DENND1A: variants seen among roughly 807,000 people sequenced by gnomAD.
DENND1A encodes DENN domain containing 1A, also known as DENN domain-containing protein 1A.
In DENND1A, 51 loss-of-function variants were observed where a neutral mutation model predicts 113.7. The observed-to-expected ratio is 0.45, with a 90% CI of 0.36 to 0.57. DENND1A has a LOEUF of 0.57. Among genes scored for constraint, DENND1A ranks in the 20% least tolerant of loss-of-function variants. The pLI is 0.00. For synonymous variants in DENND1A, 565 were observed against 570.8 expected, an observed-to-expected ratio of 0.99 and a Z score of 0.14; for missense variants, 1,258 against 1,395.9, an observed-to-expected ratio of 0.90 and a Z score of 1.57.
intron 2 of DENND1A, chr9:123,843,330 T>C: frequency 2.6e-6 from 1 of 380,620 alleles, no homozygotes; most frequent in Middle Eastern, 9.7e-4. Context: ...GTAATTTTTG[T>C]TCTATATGGA....
intron 2 of DENND1A, among the ~76,000 whole-genome samples, chr9:123,818,888 C>T (rs191780291): frequency 1.6e-4 from 25 of 152,192 alleles, no homozygotes; most frequent in East Asian, 3.9e-4. Context: ...ACTGATTAAA[C>T]GAATTATGAT....
chr9:123,678,191 A>G (rs1223537767), intron 5 of DENND1A, among the ~76,000 whole-genome samples: 1 of 152,214 alleles, frequency 6.6e-6, no homozygotes, highest in Non-Finnish European at 1.5e-5. Context: ...ACATGCAAAC[A>G]GAGAGGAAGG....
intron 1 of DENND1A, among the ~76,000 whole-genome samples, chr9:123,921,104 AC>A (rs1856169794): frequency 6.6e-6 from 1 of 152,268 alleles, no homozygotes; most frequent in East Asian, 1.9e-4. Flanking sequence ...ACCAAAAAAA[AC>A]TGTAATACTA....
At chr9:123,742,483 T>C (rs1432325501) in intron 5 of DENND1A, among the ~76,000 whole-genome samples, 1 of 152,230 alleles carries the variant, frequency 6.6e-6, no homozygotes, top group African/African-American at 2.4e-5. Flanking sequence ...ATATTCCTGA[T>C]CCTTCCACAT....
intron 15 of DENND1A, 23 bp downstream of exon 15, chr9:123,457,325 A>C: frequency 6.3e-7 from 1 of 1,593,838 alleles, no homozygotes. Flanking sequence ...GCAGCCCCGG[A>C]AGGAAAATGA....
intron 13 of DENND1A, among the ~76,000 whole-genome samples, chr9:123,519,885 C>T (rs111346138): frequency 3.3e-5 from 5 of 152,094 alleles, no homozygotes; most frequent in African/African-American, 4.8e-5. Flanking sequence ...CCAGGCTGGG[C>T]GCGGTGGCTC....
At chr9:123,647,572 T>C (rs2062404928) in intron 9 of DENND1A, among the ~76,000 whole-genome samples, 1 of 152,242 alleles carries the variant, frequency 6.6e-6, no homozygotes, top group Admixed American at 6.5e-5. Context: ...GTGTTAATTA[T>C]TTCTTTTTAC....
In DENND1A at chr9:123,385,719, T is replaced by C. The variant is rs35052100; in HGVS notation, c.1761-1806A>G. Among the ~76,000 whole-genome samples, 918 of 152,268 alleles carry C rather than the reference T, an allele frequency of 6.0e-3. 3 individuals are homozygous for C. Among genetic ancestry groups the C allele is most frequent in the Non-Finnish European group, 9.5e-3 (649 of 68,010 alleles). On this transcript the variant is annotated intron_variant, in intron 22 of 23. Coordinates refer to ENST00000394215, the MANE Select transcript of DENND1A (RefSeq NM_001352964.2). ...AAGTCGGACTTACACCCCCACCTTA[T>C]GGATGAGGAATGAAGCTCAGAGATG...
rs79508972 is a variant in DENND1A, at chr9:123,499,454, C to A, written c.994-41557G>T. On this transcript the variant is annotated intron_variant, in intron 13 of 23. Transcript: ENST00000394215. ...TTAGCAAATGGCATATGGTACACGG[C>A]AGTATTGCTTACTTTTCCCCCAGCC... Among the ~76,000 whole-genome samples the A allele has an allele frequency of 4.0e-3, 606 of 152,340 alleles. 5 individuals carry two copies. The highest frequency in any genetic ancestry group is 0.014 in the African/African-American group (583 of 41,572).
chr9:123,409,839 C>A (rs902561468), intron 20 of DENND1A, among the ~76,000 whole-genome samples: 3 of 152,140 alleles, frequency 2.0e-5, no homozygotes, highest in Admixed American at 1.3e-4. Flanking sequence ...CGTCTGTAAT[C>A]CCAGCACTTT....
At chr9:123,534,712 T>C (rs1376932823) in intron 13 of DENND1A, among the ~76,000 whole-genome samples, 1 of 152,236 alleles carries the variant, frequency 6.6e-6, no homozygotes, top group East Asian at 1.9e-4. Context: ...TCTTGTTTCC[T>C]TGATTATCAG....
chr9:123,833,864 TC>T (rs1336339556), intron 2 of DENND1A, among the ~76,000 whole-genome samples: 6 of 152,072 alleles, frequency 3.9e-5, no homozygotes, highest in Non-Finnish European at 8.8e-5. Context: ...ATCGAGACCA[TC>T]CTGGCCAACA....
chr9:123,413,566 G>C (rs970022110), intron 19 of DENND1A: 2 of 985,518 alleles, frequency 2.0e-6, no homozygotes, highest in Non-Finnish European at 2.4e-6. Context: ...CATGGAACCT[G>C]TCGGGGCAGC....
chr9:123,455,643 C>CACACAA (rs1182351569), intron 15 of DENND1A, among the ~76,000 whole-genome samples: 2 of 152,210 alleles, frequency 1.3e-5, no homozygotes. Context: ...ACCCCCAGGG[C>CACACAA]TGTGTGTCCC....
chr9:123,475,663 T>C (rs984011041), intron 13 of DENND1A, among the ~76,000 whole-genome samples: 1 of 152,270 alleles, frequency 6.6e-6, no homozygotes, highest in African/African-American at 2.4e-5. Flanking sequence ...TTCCCGCTGC[T>C]GCACACTCGC....
chr9:123,383,644 C>T lies in DENND1A; in HGVS notation c.2019+11G>A. On this transcript the variant is annotated intron_variant, in intron 23 of 23. Transcript: ENST00000394215. ...GCCCCCGGCCGATACCCTCCCTTGC[C>T]CATGCCATACCTGATAGTCAAAGGT... The T allele has an allele frequency of 1.9e-6, 3 of 1,609,366 alleles. No individual in the cohort carries two copies. The highest frequency in any genetic ancestry group is 2.5e-6 in the Non-Finnish European group (3 of 1,176,784).
At chr9:123,607,458 T>A (rs1344444155) in intron 11 of DENND1A, among the ~76,000 whole-genome samples, 1 of 101,936 alleles carries the variant, frequency 9.8e-6, no homozygotes, top group Non-Finnish European at 2.1e-5. Context: ...TGGAGTGGCT[T>A]AGAGAGAGAG....
chr9:123,587,904 C>T (rs2059258544), intron 11 of DENND1A, among the ~76,000 whole-genome samples: 1 of 152,170 alleles, frequency 6.6e-6, no homozygotes, highest in African/African-American at 2.4e-5. Flanking sequence ...AGAATGAGTA[C>T]CTAACTGTTC....
chr9:123,589,647 GAA>G (rs58211177), intron 11 of DENND1A, among the ~76,000 whole-genome samples: 3,605 of 35,060 alleles, frequency 0.1, 34 homozygotes, highest in African/African-American at 0.13. Context: ...TTCTCAGAAT[GAA>G]AAAAAAAAAA....
Sources: allele counts gnomAD v4.1 joint callset (sites outside exome capture counted in the v4.1 genomes callset), GRCh38; gene constraint gnomAD v4.1.1; transcripts MANE v1.5; gene names NCBI Gene and HGNC (gene_info 2026-07-23, HGNC 2026-07-21).